The following ZNF407 variants were observed in gnomAD, a reference collection of about 807,000 sequenced individuals.
The protein encoded by ZNF407 is zinc finger protein 407.
A neutral mutation model predicts 131.2 loss-of-function variants in ZNF407; 17 were observed. The ratio of observed to expected loss-of-function variants is 0.13; its 90% confidence interval spans 0.09 to 0.19. The LOEUF (loss-of-function observed/expected upper bound fraction) is 0.19, where lower values mean the gene tolerates loss of function less well. ZNF407 is among the 10% of genes least tolerant of loss of function. The pLI, the probability that ZNF407 is intolerant of heterozygous loss-of-function variation, is 1.00. For synonymous variants in ZNF407, 1,156 were observed against 1,062.0 expected (o/e 1.09, Z -1.72); for missense variants, 2,681 against 2,830.6 (o/e 0.95, Z 1.20).
intron 4 of ZNF407, among the ~76,000 whole-genome samples, chr18:74,789,525 A>G (rs745604796): frequency 8.2e-4 from 125 of 152,194 alleles, no homozygotes; most frequent in Non-Finnish European, 2.8e-4. Context: ...GTTGGAATCC[A>G]GCTGAACAGG....
chr18:74,780,115 G>A (rs1969569184), intron 3 of ZNF407, among the ~76,000 whole-genome samples: 1 of 151,830 alleles, frequency 6.6e-6, no homozygotes. Context: ...GTTTATAGTT[G>A]TAAAGTGTGT....
intron 4 of ZNF407, among the ~76,000 whole-genome samples, chr18:74,860,991 T>C (rs1970930253): frequency 6.6e-6 from 1 of 152,262 alleles, no homozygotes; most frequent in South Asian, 2.1e-4. Flanking sequence ...AATAAGTGTG[T>C]TAAAATGGTT....
chr18:74,806,466 C>T (rs1161462572), intron 4 of ZNF407, among the ~76,000 whole-genome samples: 1 of 152,152 alleles, frequency 6.6e-6, no homozygotes, highest in Non-Finnish European at 1.5e-5. Flanking sequence ...TCCAGTTGGT[C>T]CCTAAGTAGC....
At chr18:74,959,112 T>C (rs1275896617) in intron 8 of ZNF407, among the ~76,000 whole-genome samples, 2 of 152,250 alleles carry the variant, frequency 1.3e-5, no homozygotes, top group African/African-American at 4.8e-5. Context: ...TAGTCTTTCA[T>C]CTTTTCTGTG....
intron 3 of ZNF407, among the ~76,000 whole-genome samples, chr18:74,674,913 A>G (rs144579964): frequency 6.6e-6 from 1 of 152,240 alleles, no homozygotes; most frequent in Non-Finnish European, 1.5e-5. Flanking sequence ...CTCTGTGACT[A>G]ATCACCAAAT....
intron 3 of ZNF407, among the ~76,000 whole-genome samples, chr18:74,645,780 C>T (rs537364044): frequency 7.2e-5 from 11 of 151,874 alleles, no homozygotes; most frequent in South Asian, 4.2e-4. Context: ...TGCTTCATAA[C>T]GTGTCAGAGA....
intron 3 of ZNF407, among the ~76,000 whole-genome samples, chr18:74,666,887 G>A (rs1985951378): frequency 1.6e-5 from 2 of 125,810 alleles, no homozygotes; most frequent in Admixed American, 8.6e-5. Context: ...ACTGAGCTGT[G>A]TAGAGGTCCT....
chr18:75,046,191 C>T (rs369052352), intron 8 of ZNF407, among the ~76,000 whole-genome samples: 16 of 152,178 alleles, frequency 1.1e-4, no homozygotes, highest in Admixed American at 5.9e-4. Context: ...GAGGTATGTT[C>T]CATTTTCATA....
chr18:74,987,132 C>T (rs765980363), intron 8 of ZNF407, among the ~76,000 whole-genome samples: 1 of 151,772 alleles, frequency 6.6e-6, no homozygotes, highest in East Asian at 1.9e-4. Flanking sequence ...ATACACATCG[C>T]GTGTGTTAGA....
chr18:74,979,326 T>C (rs1214490886), intron 8 of ZNF407, among the ~76,000 whole-genome samples: 1 of 152,104 alleles, frequency 6.6e-6, no homozygotes, highest in East Asian at 1.9e-4. Flanking sequence ...AATATATATA[T>C]AGTCGCCCAG....
intron 4 of ZNF407, among the ~76,000 whole-genome samples, chr18:74,835,310 A>G (rs1175584642): frequency 6.6e-6 from 1 of 152,090 alleles, no homozygotes; most frequent in African/African-American, 2.4e-5. Context: ...CTCTCTCACT[A>G]TTGGAAGGGA....
At chr18:74,753,697 A>G (rs532768970) in intron 3 of ZNF407, among the ~76,000 whole-genome samples, 6 of 152,210 alleles carry the variant, frequency 3.9e-5, no homozygotes, top group Non-Finnish European at 8.8e-5. Flanking sequence ...CATCCCAGGG[A>G]TGAAGCCAAC....
intron 1 of ZNF407, among the ~76,000 whole-genome samples, chr18:74,622,118 G>A (rs145672205): frequency 1.6e-4 from 25 of 152,176 alleles, no homozygotes; most frequent in Non-Finnish European, 2.8e-4. Context: ...TGTGGTCTTT[G>A]TTATGAATGG....
intron 3 of ZNF407, among the ~76,000 whole-genome samples, chr18:74,707,566 C>T (rs187659066): frequency 2.6e-5 from 4 of 152,148 alleles, no homozygotes; most frequent in African/African-American, 7.2e-5. Flanking sequence ...TTTCGGATTT[C>T]GTAGCATTTT....
In ZNF407 at chr18:74,796,140, T is replaced by G. The variant is rs574464883; in HGVS notation, c.4877+14638T>G. 3.3e-5 allele frequency among the ~76,000 whole-genome samples: 5 copies of G among 152,384 alleles called. No individual in the cohort carries two copies. In the East Asian group the frequency reaches 9.6e-4, roughly 29 times the overall value. ...TTTCATTCTAGAAAAAAATCTTAAT[T>G]TTATCATGGTGACTTGAAGTTATTT... is the stretch of plus-strand genomic sequence containing the variant. On this transcript the variant is annotated intron_variant, in intron 4 of 8. Transcript: ENST00000299687.
Position 74,901,985 on chromosome 18 carries a change from T to C in ZNF407, c.5249+11947T>C, listed in dbSNP as rs536783189. ...CTGTAAAAGCACAATCAAAGCGACA[T>C]GATAAGTGAGTCCGTGTTGTAAAAG... is the stretch of plus-strand genomic sequence containing the variant. On this transcript the variant is annotated intron_variant, in intron 7 of 8. Transcript: ENST00000299687. Among the ~76,000 whole-genome samples the C allele has an allele frequency of 4.6e-5, 7 of 151,994 alleles. No homozygotes were observed. In the East Asian group the frequency reaches 1.4e-3, roughly 29 times the overall value.
intron 6 of ZNF407, 126 bp from the exon 7 acceptor site, chr18:74,889,792 G>T: frequency 1.3e-6 from 1 of 789,926 alleles, no homozygotes. Context: ...AGTGTGTGGA[G>T]TCCATTGAAT....
In ZNF407 at chr18:74,729,976, G is replaced by A. The variant is rs914610454; in HGVS notation, c.4803-51452G>A. Among the ~76,000 whole-genome samples, 4 of 152,160 alleles carry A rather than the reference G, an allele frequency of 2.6e-5. No individual in the cohort carries two copies. In the East Asian group the frequency reaches 7.7e-4, roughly 29 times the overall value. ...GCTTCTTAAAAGGTGACACTTTTTA[G>A]ATAGTTAATTGTAATCTCGTCCAAT... is the stretch of plus-strand genomic sequence containing the variant. On this transcript the variant is annotated intron_variant, in intron 3 of 8. Coordinates refer to ENST00000299687, the MANE Select transcript of ZNF407 (RefSeq NM_017757.3).
intron 7 of ZNF407, among the ~76,000 whole-genome samples, chr18:74,900,392 A>G (rs1971508176): frequency 6.6e-6 from 1 of 152,112 alleles, no homozygotes; most frequent in African/African-American, 2.4e-5. Flanking sequence ...TGAGTCAAGA[A>G]AACAGAAGCG....
Sources: gnomAD v4.1 joint callset for allele counts (sites outside exome capture counted in the v4.1 genomes callset) on GRCh38, gnomAD v4.1.1 for gene constraint, MANE v1.5 for transcripts, NCBI Gene and HGNC (gene_info 2026-07-23, HGNC 2026-07-21) for gene names.